Variants in PARD3 observed in about 807,000 individuals in gnomAD.
The protein encoded by PARD3 is par-3 family cell polarity regulator.
Under a neutral mutation model 155.4 loss-of-function variants are expected in PARD3, and 75 were observed. That is an observed-to-expected ratio of 0.48 (90% confidence interval 0.40 to 0.58). PARD3 has a LOEUF of 0.58. Ranked by LOEUF, PARD3 falls within the 20% of genes least tolerant of loss-of-function variation. The pLI, the probability that PARD3 is intolerant of heterozygous loss-of-function variation, is 0.00. For missense variants in PARD3, 1,642 were observed against 1,721.7 expected (o/e 0.95, Z 0.82); for synonymous variants, 576 against 610.5 (o/e 0.94, Z 0.83).
chr10:34,638,416 CT>C (rs1449913621), intron 2 of PARD3, among the ~76,000 whole-genome samples: 1 of 152,178 alleles, frequency 6.6e-6, no homozygotes, highest in Non-Finnish European at 1.5e-5. Flanking sequence ...TGCTAAGTAG[CT>C]AACTGCAAAA....
intron 22 of PARD3, among the ~76,000 whole-genome samples, chr10:34,188,655 T>G (rs1308726284): frequency 4.6e-5 from 7 of 152,242 alleles, no homozygotes; most frequent in Admixed American, 4.6e-4. Flanking sequence ...TTCACACACT[T>G]GAATGTGATT....
intron 1 of PARD3, among the ~76,000 whole-genome samples, chr10:34,811,151 T>A (rs180845521): frequency 6.6e-6 from 1 of 152,222 alleles, no homozygotes; most frequent in African/African-American, 2.4e-5. Context: ...GAATTATCCA[T>A]CCAAACCTCA....
chr10:34,340,518 C>T (rs1836693967), intron 16 of PARD3, among the ~76,000 whole-genome samples: 1 of 152,066 alleles, frequency 6.6e-6, no homozygotes. Context: ...TTTTTAAATC[C>T]TGTGCTTTCA....
At chr10:34,620,761 A>T (rs2091616972) in intron 2 of PARD3, among the ~76,000 whole-genome samples, 1 of 152,214 alleles carries the variant, frequency 6.6e-6, no homozygotes, top group South Asian at 2.1e-4. Context: ...CTTAGTCAAA[A>T]AGTTGAATCA....
At chr10:34,755,289 G>A (rs989959585) in intron 1 of PARD3, among the ~76,000 whole-genome samples, 8 of 151,816 alleles carry the variant, frequency 5.3e-5, no homozygotes, top group Non-Finnish European at 1.0e-4. Context: ...GCATGCACCC[G>A]TAATCCCAGC....
intron 11 of PARD3, 111 bp downstream of exon 11, chr10:34,374,763 A>C (rs1028259161): frequency 9.0e-6 from 9 of 1,002,790 alleles, no homozygotes; most frequent in Middle Eastern, 2.1e-4. Context: ...GAAATATAAG[A>C]TCTAGAAACT....
chr10:34,814,976 A>T lies in PARD3; in HGVS notation c.20T>A (p.Phe7Tyr), dbSNP rs768824256. ...CGGCACGACCACCCGGGTCCGTCCGAAGCACACGGTCACTTTCATGCCGCC... is the reference window on the plus strand; with the variant it reads ...CGGCACGACCACCCGGGTCCGTCCGTAGCACACGGTCACTTTCATGCCGCC... MKVTVC[F>Y]GRTRVVVPCG... The change falls in exon 1 of 25, where the codon TTC becomes TAC. Residue 7 changes from phenylalanine to tyrosine, a missense_variant. Physicochemically the swap from Phe to Tyr is conservative, Grantham distance 22. Transcript: ENST00000374788. The T allele has an allele frequency of 6.5e-7, 1 of 1,543,110 alleles. No homozygotes were observed.
intron 1 of PARD3, among the ~76,000 whole-genome samples, chr10:34,758,743 C>G (rs183264820): frequency 6.6e-6 from 1 of 152,304 alleles, no homozygotes; most frequent in Non-Finnish European, 1.5e-5. Flanking sequence ...GAGAACAGCT[C>G]CTACCTAAAA....
At chr10:34,127,341 T>G (rs904485386) in intron 23 of PARD3, among the ~76,000 whole-genome samples, 3 of 152,180 alleles carry the variant, frequency 2.0e-5, no homozygotes, top group African/African-American at 7.2e-5. Flanking sequence ...TTAAAATATA[T>G]TCCAATTTCA....
At chr10:34,489,658 T>C (rs1214291503) in intron 3 of PARD3, among the ~76,000 whole-genome samples, 1 of 152,242 alleles carries the variant, frequency 6.6e-6, no homozygotes, top group Non-Finnish European at 1.5e-5. Context: ...GCAGAGATCT[T>C]TCATAGCTAA....
At chr10:34,642,708 A>C (rs909200109) in intron 2 of PARD3, among the ~76,000 whole-genome samples, 2 of 151,132 alleles carry the variant, frequency 1.3e-5, no homozygotes, top group African/African-American at 2.4e-5. Flanking sequence ...CATGACCCCC[A>C]CGAGAGCCCT....
chr10:34,156,953 G>GA (rs200936419), intron 22 of PARD3, among the ~76,000 whole-genome samples: 142 of 151,638 alleles, frequency 9.4e-4, no homozygotes, highest in African/African-American at 3.2e-3. Context: ...AAAAGGAGGG[G>GA]AAAAAAAACC....
chr10:34,377,786 AT>A (rs1052802848), intron 10 of PARD3, among the ~76,000 whole-genome samples, 180 bp downstream of exon 10: 37 of 152,254 alleles, frequency 2.4e-4, no homozygotes, highest in African/African-American at 8.2e-4. Flanking sequence ...AATTAAAAAA[AT>A]ATATATAAAA....
At chr10:34,261,782 A>AGG in intron 22 of PARD3, among the ~76,000 whole-genome samples, 1 of 13,494 alleles carries the variant, frequency 7.4e-5, no homozygotes, top group Non-Finnish European at 2.5e-4. Context: ...GAAAGAAAGA[A>AGG]AAGAAAGAAA....
chr10:34,540,382 A>G (rs972218076), intron 2 of PARD3, among the ~76,000 whole-genome samples: 3 of 152,126 alleles, frequency 2.0e-5, no homozygotes, highest in Non-Finnish European at 4.4e-5. Context: ...GTGTTCTAGC[A>G]TGAGAATTCA....
chr10:34,705,394 A>T (rs2094347879), intron 1 of PARD3, among the ~76,000 whole-genome samples: 1 of 151,894 alleles, frequency 6.6e-6, no homozygotes, highest in East Asian at 1.9e-4. Context: ...AGGCTAAAGC[A>T]GGAGGATCAC....
intron 12 of PARD3, among the ~76,000 whole-genome samples, chr10:34,363,995 C>T (rs949421139): frequency 7.2e-5 from 11 of 152,302 alleles, no homozygotes; most frequent in Admixed American, 1.3e-4. Context: ...ATGTACATTT[C>T]TATCTGCAGT....
chr10:34,144,184 C>A (rs779651942), intron 22 of PARD3, among the ~76,000 whole-genome samples: 2 of 151,968 alleles, frequency 1.3e-5, no homozygotes, highest in Non-Finnish European at 2.9e-5. Context: ...TTGCAACATT[C>A]TTTTGTCAAT....
rs548450046 is a variant in PARD3 at position 34,427,072 on chromosome 10, G to A, written c.714+23245C>T. The stretch of plus-strand genomic sequence containing the variant: ...AAGCTGAGGATGTATGTCGCCTCAG[G>A]ACCCTGTGATGATTGCGTTAACTGC... On this transcript the variant is annotated intron_variant, in intron 5 of 24. Coordinates refer to ENST00000374788, the MANE Select transcript of PARD3 (RefSeq NM_001184785.2). Among the ~76,000 whole-genome samples the A allele has an allele frequency of 2.6e-5, 4 of 152,218 alleles. 1 individual carries two copies. In the South Asian group the frequency reaches 8.3e-4, roughly 32 times the overall value.
Sources: allele counts gnomAD v4.1 joint callset (sites outside exome capture counted in the v4.1 genomes callset), GRCh38; gene constraint gnomAD v4.1.1; transcripts MANE v1.5; gene names NCBI Gene and HGNC (gene_info 2026-07-23, HGNC 2026-07-21).